Variants in RIC1 observed in about 807,000 individuals in gnomAD.
RIC1 encodes guanine nucleotide exchange factor subunit RIC1.
In RIC1, 88 loss-of-function variants were observed where a neutral mutation model predicts 169.0. The ratio of observed to expected loss-of-function variants is 0.52; its 90% CI spans 0.44 to 0.62. RIC1 has a LOEUF of 0.62. Ranked by LOEUF, RIC1 falls within the 20% of genes least tolerant of loss-of-function variation. The pLI, the probability that RIC1 is intolerant of heterozygous loss-of-function variation, is 0.00. For missense variants in RIC1, 1,877 were observed against 1,725.5 expected (o/e 1.09, Z -1.56); for synonymous variants, 790 against 601.5 (o/e 1.31, Z -4.59).
At chr9:5,685,296 CA>C in intron 2 of RIC1, among the ~76,000 whole-genome samples, 1 of 150,260 alleles carries the variant, frequency 6.7e-6, no homozygotes, top group Middle Eastern at 3.2e-3. Flanking sequence ...CATATGGAAC[CA>C]AAAAAGAGCC....
chr9:5,664,976 C>G (rs1025381460), intron 2 of RIC1, among the ~76,000 whole-genome samples: 3 of 152,180 alleles, frequency 2.0e-5, no homozygotes, highest in African/African-American at 7.2e-5. Context: ...TTATGTTGCT[C>G]TCTAAACTGG....
At chr9:5,648,110 G>C (rs772010655) in intron 1 of RIC1, among the ~76,000 whole-genome samples, 4 of 151,980 alleles carry the variant, frequency 2.6e-5, no homozygotes, top group Non-Finnish European at 4.4e-5. Context: ...AGCCTCCCAA[G>C]TAGCTGGGAT....
chr9:5,763,625 T>C lies in RIC1; in HGVS notation c.2598T>C (p.His866=), dbSNP rs1826480913. The C allele has an allele frequency of 6.2e-7, 1 of 1,614,042 alleles. No individual in the cohort carries two copies. Among genetic ancestry groups the C allele is most frequent in the Non-Finnish European group, 8.5e-7 (1 of 1,180,030 alleles). ...CTCATGTGCTGGAGCTCATGCTCCA[T>C]GAAGTACTGGAAGAAGAAGCTACCT... is the stretch of plus-strand genomic sequence containing the variant. ...YFPHVLELML[H]EVLEEEATSR... Residue 866 remains histidine, a synonymous_variant, in exon 19 of 26, where the codon CAT becomes CAC. Coordinates refer to ENST00000414202, the MANE Select transcript of RIC1 (RefSeq NM_020829.4). The surrounding 1 kb of genome is among the most constrained non-coding windows in gnomAD (Gnocchi z 5.2).
intron 1 of RIC1, among the ~76,000 whole-genome samples, chr9:5,640,338 CACAA>C (rs1259709795): frequency 6.6e-6 from 1 of 152,208 alleles, no homozygotes; most frequent in African/African-American, 2.4e-5. Context: ...GTCAAACACA[CACAA>C]AGTGTTTAAA....
chr9:5,690,079 A>T (rs16923368), intron 3 of RIC1, 41 bp downstream of exon 3: 9 of 1,304,614 alleles, frequency 6.9e-6, no homozygotes, highest in Non-Finnish European at 9.6e-6. Context: ...TGTGATTTGC[A>T]TACTTTATAT....
At position 5,743,686 on chromosome 9, in the gene RIC1, C is replaced by T. The variant is rs749582348; in HGVS notation, c.1047-3C>T. The T allele has an allele frequency of 3.7e-6, 6 of 1,600,432 alleles. No individual in the cohort carries two copies. The Admixed American group carries it at 8.4e-5, about 22-fold the overall frequency. ...ATTATATTTAGTTTCTGTTCTGTTT[C>T]AGTTATAGGTCTGATGGCACCAAAA... On this transcript the variant is annotated splice_region_variant and splice_polypyrimidine_tract_variant and intron_variant, in intron 9 of 25. Transcript: ENST00000414202.
intron 8 of RIC1, among the ~76,000 whole-genome samples, chr9:5,739,932 A>C (rs1435868433): frequency 1.3e-5 from 2 of 152,192 alleles, no homozygotes; most frequent in African/African-American, 4.8e-5. Context: ...CTTTTGTTGC[A>C]GATCAGCCAC....
chr9:5,717,495 A>G, intron 4 of RIC1, among the ~76,000 whole-genome samples: 1 of 152,122 alleles, frequency 6.6e-6, no homozygotes, highest in Non-Finnish European at 1.5e-5. Flanking sequence ...CAGAAAGCTG[A>G]CCAATCCGGG....
intron 17 of RIC1, among the ~76,000 whole-genome samples, chr9:5,760,913 C>G (rs1826288101): frequency 6.6e-6 from 1 of 151,998 alleles, no homozygotes; most frequent in Admixed American, 6.6e-5. Context: ...GGGACACAAT[C>G]CCACAAGTTT....
At chr9:5,765,897 A>G in intron 21 of RIC1, 99 bp downstream of exon 21, 1 of 1,404,318 alleles carries the variant, frequency 7.1e-7, no homozygotes, top group South Asian at 1.3e-5. Flanking sequence ...CAACTATTTA[A>G]TCCAATTGCA....
intron 2 of RIC1, among the ~76,000 whole-genome samples, chr9:5,683,622 G>A (rs922167295): frequency 4.6e-5 from 7 of 152,180 alleles, no homozygotes; most frequent in African/African-American, 1.2e-4. Flanking sequence ...CAGTCTGCCG[G>A]TTCTCAGATC....
chr9:5,771,594 C>T (rs1045028428), intron 23 of RIC1, among the ~76,000 whole-genome samples: 2 of 99,288 alleles, frequency 2.0e-5, no homozygotes, highest in Admixed American at 1.0e-4. Context: ...TTTGAGGAAT[C>T]GCCATGTTTC....
At chr9:5,753,157 A>T (rs956815434) in intron 12 of RIC1, 43 bp from the exon 13 acceptor site, 1 of 1,536,408 alleles carries the variant, frequency 6.5e-7, no homozygotes, top group African/African-American at 1.4e-5. Context: ...AAGTTTAAAT[A>T]TATTTCATAA....
intron 2 of RIC1, among the ~76,000 whole-genome samples, chr9:5,671,301 G>C (rs1820084970): frequency 7.1e-6 from 1 of 140,980 alleles, no homozygotes; most frequent in Non-Finnish European, 1.5e-5. Context: ...ACGGCATCTT[G>C]CTCTGTCACC....
At chr9:5,645,152 C>T (rs1818441578) in intron 1 of RIC1, among the ~76,000 whole-genome samples, 1 of 151,904 alleles carries the variant, frequency 6.6e-6, no homozygotes, top group Non-Finnish European at 1.5e-5. Flanking sequence ...CTCTTGGGCT[C>T]AAGTGATCCT....
At chr9:5,641,252 C>T (rs946587005) in intron 1 of RIC1, among the ~76,000 whole-genome samples, 6 of 151,816 alleles carry the variant, frequency 4.0e-5, no homozygotes, top group East Asian at 1.9e-4. Context: ...CCACCACACC[C>T]GGCTAATTTT....
At chr9:5,752,571 G>C (rs1458856827) in intron 12 of RIC1, among the ~76,000 whole-genome samples, 2 of 151,836 alleles carry the variant, frequency 1.3e-5, no homozygotes, top group Non-Finnish European at 2.9e-5. Flanking sequence ...CTCCCATGTA[G>C]TTGGGACTAC....
chr9:5,717,769 G>A (rs895651816), intron 4 of RIC1, among the ~76,000 whole-genome samples: 27 of 149,646 alleles, frequency 1.8e-4, no homozygotes, highest in Admixed American at 8.0e-4. Flanking sequence ...CCCGGGAGGC[G>A]GAGGTTTCAG....
rs1004577298 is a variant in RIC1 at position 5,697,561 on chromosome 9, A to G, written c.332+7523A>G. Reference sequence around the variant, plus strand: ...AGCACATCCAAGATATCATTATTTCATTTCATCCAAAAATACTTTTTATTA... The same window carrying G: ...AGCACATCCAAGATATCATTATTTCGTTTCATCCAAAAATACTTTTTATTA... On this transcript the variant is annotated intron_variant, in intron 3 of 25. Transcript: ENST00000414202. Among the ~76,000 whole-genome samples, 3 of 152,320 alleles carry G rather than the reference A, an allele frequency of 2.0e-5. No homozygotes were observed. The East Asian group carries it at 5.8e-4, about 29-fold the overall frequency.
Sources: gnomAD v4.1 joint callset for allele counts (sites outside exome capture counted in the v4.1 genomes callset) on GRCh38, gnomAD v4.1.1 for gene constraint, Gnocchi (gnomAD v3.1) non-coding constraint, MANE v1.5 for transcripts, NCBI Gene and HGNC (gene_info 2026-07-23, HGNC 2026-07-21) for gene names.